Variants in CYSLTR2 observed in about 807,000 individuals in gnomAD.
The protein encoded by CYSLTR2 is cysteinyl leukotriene receptor 2, also known as G-protein coupled receptor GPCR21.
For missense variants in CYSLTR2, 398 were observed against 411.9 expected (o/e 0.97, Z 0.29); for synonymous variants, 179 against 160.8 (o/e 1.11, Z -0.86).
At chr13:48,703,236 A>G (rs913243957) in intron 4 of CYSLTR2, among the ~76,000 whole-genome samples, 1 of 152,070 alleles carries the variant, frequency 6.6e-6, no homozygotes, top group African/African-American at 2.4e-5. Context: ...GGGGTTTTCT[A>G]TGTAACTATG....
intron 1 of CYSLTR2, among the ~76,000 whole-genome samples, chr13:48,677,618 T>A (rs1953633823): frequency 6.6e-6 from 1 of 152,120 alleles, no homozygotes; most frequent in African/African-American, 2.4e-5. Context: ...TAAAGTTACA[T>A]GAGAAAGATG....
chr13:48,668,577 A>C (rs901980328), intron 1 of CYSLTR2, among the ~76,000 whole-genome samples: 6 of 152,062 alleles, frequency 3.9e-5, no homozygotes, highest in Non-Finnish European at 5.9e-5. Flanking sequence ...GTTGGGGGGC[A>C]TCATTATCCT....
chr13:48,703,429 T>G (rs1350814708), intron 4 of CYSLTR2, among the ~76,000 whole-genome samples: 1 of 152,216 alleles, frequency 6.6e-6, no homozygotes, highest in South Asian at 2.1e-4. Flanking sequence ...TCTTTTACTA[T>G]GAAGTATAAT....
intron 1 of CYSLTR2, among the ~76,000 whole-genome samples, chr13:48,685,420 G>C (rs1953872109): frequency 6.6e-6 from 1 of 152,012 alleles, no homozygotes; most frequent in African/African-American, 2.4e-5. Flanking sequence ...ATAAGATTTG[G>C]GTGAACACAG....
At chr13:48,701,270 G>T (rs1438871662) in intron 4 of CYSLTR2, among the ~76,000 whole-genome samples, 1 of 149,962 alleles carries the variant, frequency 6.7e-6, no homozygotes, top group Admixed American at 6.6e-5. Flanking sequence ...TCACGGTACT[G>T]GTACCAAAAC....
intron 4 of CYSLTR2, among the ~76,000 whole-genome samples, chr13:48,701,597 A>G (rs979367926): frequency 2.4e-4 from 36 of 152,234 alleles, no homozygotes; most frequent in Non-Finnish European, 4.4e-4. Flanking sequence ...AAAAGTGGGC[A>G]AAGGATATGA....
chr13:48,656,976 A>AC (rs1953013414), intron 1 of CYSLTR2, among the ~76,000 whole-genome samples: 1 of 152,236 alleles, frequency 6.6e-6, no homozygotes, highest in Non-Finnish European at 1.5e-5. Flanking sequence ...GGTATTGGCC[A>AC]CTGCCTCCTT....
At chr13:48,681,759 CCT>C (rs1232027405) in intron 1 of CYSLTR2, among the ~76,000 whole-genome samples, 1 of 152,180 alleles carries the variant, frequency 6.6e-6, no homozygotes, top group Non-Finnish European at 1.5e-5. Context: ...CTTGGTCCTG[CCT>C]CTCTCGAGCT....
intron 4 of CYSLTR2, among the ~76,000 whole-genome samples, chr13:48,703,024 T>C (rs1013226921): frequency 2.0e-5 from 3 of 152,160 alleles, no homozygotes; most frequent in Non-Finnish European, 2.9e-5. Flanking sequence ...TTTACACCTG[T>C]CTTTCATTTT....
chr13:48,697,823 A>G (rs1954233616), intron 4 of CYSLTR2, among the ~76,000 whole-genome samples: 1 of 152,222 alleles, frequency 6.6e-6, no homozygotes, highest in Admixed American at 6.5e-5. Context: ...AAGTCCTTAA[A>G]TGACCTGATG....
intron 1 of CYSLTR2, among the ~76,000 whole-genome samples, chr13:48,667,767 C>T (rs1208234891): frequency 2.0e-5 from 3 of 152,198 alleles, no homozygotes; most frequent in Non-Finnish European, 4.4e-5. Flanking sequence ...TATGTGCTAG[C>T]TCTTGGAGCT....
At chr13:48,697,711 A>G (rs1160183941) in intron 4 of CYSLTR2, among the ~76,000 whole-genome samples, 1 of 152,216 alleles carries the variant, frequency 6.6e-6, no homozygotes, top group African/African-American at 2.4e-5. Flanking sequence ...GGTAATAACA[A>G]ACTTCTCCAA....
intron 3 of CYSLTR2, among the ~76,000 whole-genome samples, chr13:48,695,203 G>T (rs753307010): frequency 3.3e-5 from 5 of 150,002 alleles, no homozygotes; most frequent in Non-Finnish European, 3.0e-5. Flanking sequence ...GCCTCCTGAG[G>T]AGCTGGGACT....
At chr13:48,704,665 A>G (rs1387599396) in intron 4 of CYSLTR2, among the ~76,000 whole-genome samples, 2 of 152,004 alleles carry the variant, frequency 1.3e-5, no homozygotes, top group Non-Finnish European at 2.9e-5. Flanking sequence ...TCAGTTTAAT[A>G]TATTTTTTGT....
intron 1 of CYSLTR2, among the ~76,000 whole-genome samples, chr13:48,676,787 C>G (rs1322360412): frequency 6.6e-6 from 1 of 152,178 alleles, no homozygotes; most frequent in East Asian, 1.9e-4. Context: ...CTCTCCTAGT[C>G]CCAGATTTGT....
At chr13:48,682,552 G>C (rs1253327225) in intron 1 of CYSLTR2, among the ~76,000 whole-genome samples, 1 of 152,080 alleles carries the variant, frequency 6.6e-6, no homozygotes, top group East Asian at 1.9e-4. Flanking sequence ...CCATCAAAAC[G>C]AGAGAGCCAT....
intron 1 of CYSLTR2, among the ~76,000 whole-genome samples, chr13:48,670,292 T>C (rs1398663884): frequency 1.3e-5 from 2 of 152,226 alleles, no homozygotes; most frequent in Non-Finnish European, 2.9e-5. Flanking sequence ...TTAGATCCCA[T>C]TTGTCAATTT....
At chr13:48,688,843 A>C (rs1953963473) in intron 1 of CYSLTR2, among the ~76,000 whole-genome samples, 1 of 152,262 alleles carries the variant, frequency 6.6e-6, no homozygotes. Context: ...ACTGCCTTCC[A>C]CAATGGCTAA....
chr13:48,672,652 C>A (rs1953471515), intron 1 of CYSLTR2, among the ~76,000 whole-genome samples: 2 of 127,490 alleles, frequency 1.6e-5, no homozygotes, highest in African/African-American at 5.8e-5. Context: ...GAATCTTGCT[C>A]TGTCATTCAG....
Sources: allele counts gnomAD v4.1 joint callset (sites outside exome capture counted in the v4.1 genomes callset), GRCh38; gene constraint gnomAD v4.1.1; transcripts MANE v1.5; gene names NCBI Gene and HGNC (gene_info 2026-07-23, HGNC 2026-07-21).